ATP6V1C2: variants seen among roughly 807,000 people sequenced by gnomAD.
The protein encoded by ATP6V1C2 is ATPase H+ transporting V1 subunit C2, also known as V-type proton ATPase subunit C 2.
In ATP6V1C2, 45 loss-of-function variants were observed where a neutral mutation model predicts 56.8. The observed-to-expected ratio is 0.79, with a 90% CI of 0.62 to 1.02. The LOEUF (loss-of-function observed/expected upper bound fraction) is 1.02, where lower values mean the gene tolerates loss of function less well. Ranked by LOEUF, ATP6V1C2 falls within the 50% of genes least tolerant of loss-of-function variation. ATP6V1C2 has a pLI of 0.00. For missense variants in ATP6V1C2, 463 were observed against 519.7 expected (o/e 0.89, Z 1.06); for synonymous variants, 220 against 201.3 (o/e 1.09, Z -0.79).
chr2:10,757,003 CTTTTTTTTTTT>C (rs57191070), intron 4 of ATP6V1C2, among the ~76,000 whole-genome samples: 5 of 81,574 alleles, frequency 6.1e-5, no homozygotes, highest in Admixed American at 2.8e-4. Context: ...CATGAGGAGA[CTTTTTTTTTTT>C]TTTTTTTTTT....
rs550733639 is a variant in ATP6V1C2, at chr2:10,779,940, C to T, written c.1061+1271C>T. ...TTTTCTGCCCTGTGTGGCTGCGTCC[C>T]GCGTCACGGAGCACTGCGCACCGCC... On this transcript the variant is annotated intron_variant, in intron 12 of 13. Coordinates refer to ENST00000272238, the MANE Select transcript of ATP6V1C2 (RefSeq NM_001039362.2). Among the ~76,000 whole-genome samples, 13 of 152,234 alleles carry T rather than the reference C, an allele frequency of 8.5e-5. No individual in the cohort carries two copies. In the East Asian group the frequency reaches 2.5e-3, roughly 30 times the overall value.
intron 3 of ATP6V1C2, among the ~76,000 whole-genome samples, chr2:10,738,174 A>C (rs1175993822): frequency 6.6e-6 from 1 of 152,220 alleles, no homozygotes; most frequent in East Asian, 1.9e-4. Context: ...GTGTTAGATC[A>C]TGTAGCTGCC....
chr2:10,766,158 C>T (rs150024870), intron 5 of ATP6V1C2, among the ~76,000 whole-genome samples: 39 of 152,264 alleles, frequency 2.6e-4, no homozygotes, highest in African/African-American at 9.2e-4. Flanking sequence ...GTGCATGACA[C>T]CACTTCCCAA....
At position 10,783,447 on chromosome 2, in the gene ATP6V1C2, G is replaced by A. The variant is rs1665519333; in HGVS notation, c.*184G>A. ...ACAATAAAATGCTCTCAAGTCCTTT[G>A]AATGTTCCAACAAATTCAAAACTTC... On this transcript the variant is annotated 3_prime_UTR_variant, in exon 14 of 14. Transcript: ENST00000272238. 1 of 502,650 alleles carries A rather than the reference G, an allele frequency of 2.0e-6. No homozygotes were observed. Among genetic ancestry groups the A allele is most frequent in the Admixed American group, 3.7e-5 (1 of 27,306 alleles). The allele number at this position is 502,650 out of a possible 1,614,324, so 31.1% of individuals were successfully genotyped here.
intron 3 of ATP6V1C2, among the ~76,000 whole-genome samples, chr2:10,733,992 T>G (rs1455586045): frequency 6.6e-6 from 1 of 152,214 alleles, no homozygotes; most frequent in East Asian, 1.9e-4. Flanking sequence ...GTAAGGGCAT[T>G]CTAAAGAGAA....
chr2:10,721,286 C>G (rs1243310776), upstream of ATP6V1C2, among the ~76,000 whole-genome samples: 2 of 151,512 alleles, frequency 1.3e-5, no homozygotes, highest in Non-Finnish European at 2.9e-5. Flanking sequence ...GGGGCTGCGG[C>G]GGCCGCAGCG....
intron 8 of ATP6V1C2, among the ~76,000 whole-genome samples, chr2:10,773,539 C>T (rs996891913): frequency 1.7e-4 from 26 of 152,098 alleles, no homozygotes; most frequent in Admixed American, 1.2e-3. Flanking sequence ...TGCACCAACA[C>T]GGCCAGCTAA....
intron 4 of ATP6V1C2, among the ~76,000 whole-genome samples, chr2:10,761,661 A>C (rs1663914678): frequency 6.6e-6 from 1 of 152,298 alleles, no homozygotes; most frequent in East Asian, 1.9e-4. Context: ...CCTGGCTTGT[A>C]GACGGCCACC....
chr2:10,778,407 G>A (rs897604509), intron 11 of ATP6V1C2, 165 bp from the exon 12 acceptor site: 5 of 636,148 alleles, frequency 7.9e-6, no homozygotes, highest in South Asian at 7.7e-5. Flanking sequence ...CCTGGACCTC[G>A]AGGTCCTGAG....
chr2:10,746,085 C>T (rs1396520329), intron 3 of ATP6V1C2, among the ~76,000 whole-genome samples: 1 of 152,130 alleles, frequency 6.6e-6, no homozygotes, highest in Admixed American at 6.6e-5. Flanking sequence ...TTGTGACCTC[C>T]ACCTCCTGGG....
At chr2:10,740,461 C>T (rs567259603) in intron 3 of ATP6V1C2, among the ~76,000 whole-genome samples, 122 of 152,212 alleles carry the variant, frequency 8.0e-4, no homozygotes, top group Middle Eastern at 3.4e-3. Context: ...AACTCTGCTC[C>T]GAGAGCATGA....
chr2:10,737,787 G>A (rs1245666795), intron 3 of ATP6V1C2, among the ~76,000 whole-genome samples: 3 of 152,132 alleles, frequency 2.0e-5, no homozygotes, highest in Non-Finnish European at 2.9e-5. Flanking sequence ...TTTGCCTTCC[G>A]GGTTCAAGCG....
At chr2:10,739,955 C>T (rs890979789) in intron 3 of ATP6V1C2, among the ~76,000 whole-genome samples, 27 of 75,030 alleles carry the variant, frequency 3.6e-4, no homozygotes, top group African/African-American at 9.9e-4. Flanking sequence ...CAAAAAAATT[C>T]GCTGGGCTTG....
intron 3 of ATP6V1C2, among the ~76,000 whole-genome samples, chr2:10,735,091 A>G (rs992600985): frequency 6.6e-6 from 1 of 152,202 alleles, no homozygotes; most frequent in South Asian, 2.1e-4. Context: ...TTTGAAAAAA[A>G]GAAAAAAATA....
intron 4 of ATP6V1C2, among the ~76,000 whole-genome samples, chr2:10,756,372 AAAC>A (rs61285446): frequency 0.15 from 22,394 of 151,526 alleles, 1,840 homozygotes; most frequent in East Asian, 0.27. Context: ...AACAAACAAA[AAAC>A]AACAATAGAT....
At chr2:10,732,405 C>T (rs1662007991) in intron 3 of ATP6V1C2, among the ~76,000 whole-genome samples, 1 of 152,024 alleles carries the variant, frequency 6.6e-6, no homozygotes. Context: ...TTACAGGCAC[C>T]CACCACCAAG....
chr2:10,746,977 A>C (rs1662949687), intron 3 of ATP6V1C2, among the ~76,000 whole-genome samples: 1 of 152,250 alleles, frequency 6.6e-6, no homozygotes, highest in African/African-American at 2.4e-5. Flanking sequence ...AGACAATGAA[A>C]AGAATTCTCA....
At chr2:10,782,517 T>C (rs1665428148) in intron 13 of ATP6V1C2, 142 bp downstream of exon 13, 1 of 947,874 alleles carries the variant, frequency 1.1e-6, no homozygotes, top group South Asian at 1.7e-5. Context: ...CTAGCCAACA[T>C]GGTAAGACCC....
intron 3 of ATP6V1C2, among the ~76,000 whole-genome samples, chr2:10,738,317 T>C (rs1426923356): frequency 6.6e-6 from 1 of 152,080 alleles, no homozygotes; most frequent in African/African-American, 2.4e-5. Context: ...GCTGGGATGG[T>C]CTCCAGTATC....
Sources: allele counts gnomAD v4.1 joint callset (sites outside exome capture counted in the v4.1 genomes callset), GRCh38; gene constraint gnomAD v4.1.1; transcripts MANE v1.5; gene names NCBI Gene and HGNC (gene_info 2026-07-23, HGNC 2026-07-21).